Variants in KIFAP3 observed in about 807,000 individuals in gnomAD.
KIFAP3 encodes the protein kinesin-associated protein 3.
A neutral mutation model predicts 106.5 loss-of-function variants in KIFAP3; 68 were observed. That is an observed-to-expected ratio of 0.64 (90% confidence interval 0.53 to 0.78). The LOEUF (loss-of-function observed/expected upper bound fraction) is 0.78, where lower values mean the gene tolerates loss of function less well. Ranked by LOEUF, KIFAP3 falls within the 30% of genes least tolerant of loss-of-function variation. The probability of loss-of-function intolerance (pLI) is 0.00; values close to 1 mark genes in which losing one functional copy is unlikely to be tolerated. For synonymous variants in KIFAP3, 320 were observed against 311.5 expected (o/e 1.03, Z -0.29); for missense variants, 780 against 941.8 (o/e 0.83, Z 2.25).
intron 1 of KIFAP3, among the ~76,000 whole-genome samples, chr1:170,062,526 T>A (rs954788032): frequency 6.6e-6 from 1 of 152,208 alleles, no homozygotes; most frequent in African/African-American, 2.4e-5. Flanking sequence ...AAAGCTCTGG[T>A]CAAGGTCATC....
intron 1 of KIFAP3, among the ~76,000 whole-genome samples, chr1:170,066,979 A>G (rs12133172): frequency 0.063 from 9,636 of 152,232 alleles, 385 homozygotes; most frequent in Non-Finnish European, 0.095. Flanking sequence ...ATGATACTCA[A>G]AGAATAGTCA....
intron 1 of KIFAP3, among the ~76,000 whole-genome samples, chr1:170,072,180 A>G (rs1453055288): frequency 6.6e-6 from 1 of 151,984 alleles, no homozygotes; most frequent in Non-Finnish European, 1.5e-5. Context: ...TAAAGTCTCA[A>G]CTCTTTACTA....
intron 18 of KIFAP3, among the ~76,000 whole-genome samples, chr1:169,960,149 C>G (rs187877390): frequency 8.5e-5 from 13 of 152,058 alleles, no homozygotes; most frequent in African/African-American, 2.9e-4. Flanking sequence ...ACATAATCAT[C>G]CAATCATTGA....
In KIFAP3 at chr1:170,004,545, T is replaced by C. The variant is rs1051335803; in HGVS notation, c.1183+11917A>G. ...TGGAACAGAACAGAGCTCTCAGAAA[T>C]AATGCCGCATATCTACAACTATCTG... On this transcript the variant is annotated intron_variant, in intron 10 of 19. Transcript: ENST00000361580. Among the ~76,000 whole-genome samples the C allele has an allele frequency of 1.8e-3, 281 of 152,032 alleles. 1 individual carries two copies. Among genetic ancestry groups the C allele is most frequent in the African/African-American group, 6.6e-3 (274 of 41,454 alleles).
intron 12 of KIFAP3, 40 bp downstream of exon 12, chr1:169,984,542 C>A: frequency 1.1e-6 from 1 of 874,616 alleles, no homozygotes; most frequent in Non-Finnish European, 1.9e-6. Flanking sequence ...ATACCAAATA[C>A]CATATGCTAA....
chr1:170,058,871 G>A (rs1557871050), intron 1 of KIFAP3, among the ~76,000 whole-genome samples: 1 of 151,956 alleles, frequency 6.6e-6, no homozygotes, highest in East Asian at 1.9e-4. Flanking sequence ...ATTCCCATCT[G>A]CAAATAAACA....
intron 15 of KIFAP3, among the ~76,000 whole-genome samples, chr1:169,978,854 G>C (rs1666365717): frequency 6.6e-6 from 1 of 152,038 alleles, no homozygotes; most frequent in East Asian, 1.9e-4. Flanking sequence ...AACCAGTTGT[G>C]TAGAATAAAT....
At chr1:169,993,554 AAG>A (rs1227293610) in intron 10 of KIFAP3, among the ~76,000 whole-genome samples, 2 of 151,692 alleles carry the variant, frequency 1.3e-5, no homozygotes, top group Non-Finnish European at 2.9e-5. Context: ...CTAGTTCTAA[AAG>A]GGGTTCAGAA....
At chr1:170,082,682 AAC>A (rs1190203516) in intron 1 of KIFAP3, among the ~76,000 whole-genome samples, 5 of 152,198 alleles carry the variant, frequency 3.3e-5, no homozygotes, top group African/African-American at 1.2e-4. Context: ...TAGCATATTA[AAC>A]ACAGTTGGCC....
chr1:170,024,830 A>G (rs1024384632), intron 8 of KIFAP3: 34 of 343,160 alleles, frequency 9.9e-5, no homozygotes, highest in Non-Finnish European at 1.7e-4. Context: ...AATAATTCAT[A>G]CAATGCTGAG....
In KIFAP3 at chr1:169,954,111, C is replaced by T; in HGVS notation, c.2174-1G>A. 3 of 1,589,592 alleles carry T rather than the reference C, an allele frequency of 1.9e-6. No homozygotes were observed. Among genetic ancestry groups the T allele is most frequent in the Non-Finnish European group, 2.6e-6 (3 of 1,159,726 alleles). ...GCTCCTTCAGAGGCAATTAATCCATCTAGAAAGAAAAAAAAATGGTAACCA... is the reference window on the plus strand; with the variant it reads ...GCTCCTTCAGAGGCAATTAATCCATTTAGAAAGAAAAAAAAATGGTAACCA... On this transcript the variant is annotated splice_acceptor_variant, in intron 18 of 19. Coordinates refer to ENST00000361580, the MANE Select transcript of KIFAP3 (RefSeq NM_014970.4). LOFTEE classifies it high-confidence loss of function.
At chr1:170,071,534 T>A (rs1671703783) in intron 1 of KIFAP3, among the ~76,000 whole-genome samples, 2 of 152,182 alleles carry the variant, frequency 1.3e-5, no homozygotes, top group African/African-American at 4.8e-5. Flanking sequence ...AGGGCTTTTG[T>A]GCTTCATTAT....
intron 8 of KIFAP3, among the ~76,000 whole-genome samples, chr1:170,029,499 AAAG>A (rs1317569481): frequency 2.0e-5 from 3 of 152,070 alleles, no homozygotes; most frequent in Non-Finnish European, 4.4e-5. Context: ...GGATGCCATC[AAAG>A]AAGTGCTTAA....
intron 19 of KIFAP3, among the ~76,000 whole-genome samples, chr1:169,937,774 A>C (rs656848): frequency 0.93 from 141,751 of 151,716 alleles, 66,307 homozygotes; most frequent in East Asian, 0.99. Flanking sequence ...AAGATACAGC[A>C]GTAAAAATTC....
intron 11 of KIFAP3, chr1:169,989,965 G>T: frequency 7.9e-7 from 1 of 1,271,026 alleles, no homozygotes; most frequent in South Asian, 1.4e-5. Context: ...GAATTATGTA[G>T]TAGGAGTCAA....
At chr1:169,990,110 G>C in intron 11 of KIFAP3, 1 of 1,468,040 alleles carries the variant, frequency 6.8e-7, no homozygotes, top group Non-Finnish European at 9.2e-7. Flanking sequence ...AAAATAGAGC[G>C]ATTTACTCTT....
At position 169,956,240 on chromosome 1, in the gene KIFAP3, C is replaced by A. The variant is rs146851668; in HGVS notation, c.2174-2130G>T. On this transcript the variant is annotated intron_variant, in intron 18 of 19. Transcript: ENST00000361580. ...GCCAATAAAATAAAAGAATTTAACA[C>A]TAAGAAATATTTCATAAATAAAGCC... Among the ~76,000 whole-genome samples, 1,415 of 152,014 alleles carry A rather than the reference C, an allele frequency of 9.3e-3. 12 individuals carry two copies. Among genetic ancestry groups the A allele is most frequent in the Non-Finnish European group, 0.013 (866 of 67,942 alleles).
chr1:169,961,900 C>T (rs1414037750), intron 17 of KIFAP3, among the ~76,000 whole-genome samples: 1 of 152,050 alleles, frequency 6.6e-6, no homozygotes, highest in African/African-American at 2.4e-5. Flanking sequence ...TAACAGTAGG[C>T]TATTAGTTTA....
At chr1:170,063,060 T>C (rs1240615258) in intron 1 of KIFAP3, among the ~76,000 whole-genome samples, 2 of 152,090 alleles carry the variant, frequency 1.3e-5, no homozygotes, top group Non-Finnish European at 2.9e-5. Flanking sequence ...TTCCCAAAAC[T>C]AGCCTTGAAA....
Sources: allele counts gnomAD v4.1 joint callset (sites outside exome capture counted in the v4.1 genomes callset), GRCh38; gene constraint gnomAD v4.1.1; transcripts MANE v1.5; gene names NCBI Gene and HGNC (gene_info 2026-07-23, HGNC 2026-07-21).